The following TOP1 variants were observed in gnomAD, a reference collection of about 807,000 sequenced individuals.
TOP1 encodes the protein DNA topoisomerase I, also known as DNA topoisomerase 1.
In TOP1, 10 loss-of-function variants were observed where a neutral mutation model predicts 111.1. The observed-to-expected ratio is 0.09, with a 90% CI of 0.06 to 0.15. TOP1 has a LOEUF of 0.15. Among genes scored for constraint, TOP1 ranks in the 10% least tolerant of loss-of-function variants. The pLI is 1.00. For synonymous variants in TOP1, 271 were observed against 302.9 expected, an observed-to-expected ratio of 0.89 and a Z score of 1.10; for missense variants, 474 against 926.7, an observed-to-expected ratio of 0.51 and a Z score of 6.34.
Position 41,076,208 on chromosome 20 carries a change from G to A in TOP1, c.193G>A (p.Glu65Lys). The change falls in exon 4 of 21, where the codon GAG becomes AAG. Residue 65 changes from glutamate (E) to lysine (K), a missense_variant. Glu to Lys is a moderately conservative substitution (Grantham distance 56). Coordinates refer to ENST00000361337, the MANE Select transcript of TOP1 (RefSeq NM_003286.4). ...TTCTGAAAAGAAACACAAAGAGAAG[G>A]AGAAGACCAAACACAAAGATGGAAG... is the stretch of plus-strand genomic sequence containing the variant. ...KDSEKKHKEK[E>K]KTKHKDGSSE... 6.2e-7 allele frequency: 1 copy of A among 1,605,284 alleles called. No individual in the cohort carries two copies. The highest frequency in any genetic ancestry group is 8.5e-7 in the Non-Finnish European group (1 of 1,172,364).
chr20:41,116,391 C>A lies in TOP1; in HGVS notation c.1821C>A (p.Ala607=). Residue 607 remains alanine, a splice_region_variant and synonymous_variant, in exon 17 of 21, where the codon GCC becomes GCA. Coordinates refer to ENST00000361337, the MANE Select transcript of TOP1 (RefSeq NM_003286.4). The surrounding 1 kb of genome is among the most constrained non-coding windows in gnomAD (Gnocchi z 5.6). ...AGCAGCAGCTAAAAGAACTGACAGCCCGTAAGTATTGCTTGGCCAGATAGG... is the reference window on the plus strand; with the variant it reads ...AGCAGCAGCTAAAAGAACTGACAGCACGTAAGTATTGCTTGGCCAGATAGG... ...TLQQQLKELT[A]PDENIPAKIL... is the part of the protein sequence containing the mutation. 2 of 1,613,516 alleles carry A rather than the reference C, an allele frequency of 1.2e-6. No homozygotes were observed.
At chr20:41,036,832 CT>C (rs56013409) in intron 2 of TOP1, among the ~76,000 whole-genome samples, 7 of 128,210 alleles carry the variant, frequency 5.5e-5, no homozygotes, top group Non-Finnish European at 9.6e-5. Flanking sequence ...TCCTACTTTT[CT>C]TTTTTTTTTT....
At position 41,123,332 on chromosome 20, in the gene TOP1, C is replaced by T. The variant is rs762847157; in HGVS notation, c.*35C>T. ...AGAGGCAGAGTTCTGTGAAGAGGAA[C>T]AGTGTGGTTTGGGAAAGATGGATAA... On this transcript the variant is annotated 3_prime_UTR_variant, in exon 21 of 21. Transcript: ENST00000361337. This position sits in a 1 kb window ranked among gnomAD's most constrained non-coding sequence, Gnocchi z 5.8. The T allele has an allele frequency of 1.5e-5, 23 of 1,511,296 alleles. No individual in the cohort carries two copies. The highest frequency in any genetic ancestry group is 2.0e-5 in the Non-Finnish European group (22 of 1,087,480). 93.6% of individuals were successfully genotyped at this position (1,511,296 alleles called of 1,614,324 possible).
At chr20:41,059,896 A>G (rs1398320400) in intron 2 of TOP1, among the ~76,000 whole-genome samples, 1 of 152,358 alleles carries the variant, frequency 6.6e-6, no homozygotes, top group African/African-American at 2.4e-5. Context: ...AAGAAGGTAT[A>G]TGAGAGGCCA....
chr20:41,098,082 T>C lies in TOP1; in HGVS notation c.853-133T>C. ...TATTTTTTTGTTTTTTCAAAATTCA[T>C]TAATTGAGATTGGCTACTTCCAGAA... On this transcript the variant is annotated intron_variant, in intron 10 of 20. Transcript: ENST00000361337. This position sits in a 1 kb window ranked among gnomAD's most constrained non-coding sequence, Gnocchi z 5.7. 1.2e-6 allele frequency: 1 copy of C among 837,346 alleles called. No individual in the cohort carries two copies. Among genetic ancestry groups the C allele is most frequent in the Non-Finnish European group, 1.9e-6 (1 of 522,142 alleles). The allele number at this position is 837,346 out of a possible 1,614,324, so 51.9% of individuals were successfully genotyped here. A position where few individuals can be genotyped will look rare whatever the true frequency, so the allele number is the denominator to read the frequency against.
intron 2 of TOP1, among the ~76,000 whole-genome samples, chr20:41,047,761 C>T (rs1465518353): frequency 6.6e-6 from 1 of 152,094 alleles, no homozygotes; most frequent in Non-Finnish European, 1.5e-5. Flanking sequence ...GTTTGCTGAC[C>T]TGATTGAATG....
chr20:41,101,193 G>C lies in TOP1; in HGVS notation c.1164-16G>C, dbSNP rs2145952972. 1.2e-6 allele frequency: 2 copies of C among 1,613,548 alleles called. No individual in the cohort carries two copies. The highest frequency in any genetic ancestry group is 1.7e-6 in the Non-Finnish European group (2 of 1,179,520). On this transcript the variant is annotated splice_polypyrimidine_tract_variant and intron_variant, in intron 12 of 20. Coordinates refer to ENST00000361337, the MANE Select transcript of TOP1 (RefSeq NM_003286.4). The surrounding 1 kb of genome is among the most constrained non-coding windows in gnomAD (Gnocchi z 4.1). Reference sequence around the variant, plus strand: ...TCACATCTTATTTCACTATCCTCGTGCTCTGTTATTTCCAGAGATGCCAAG... The same window carrying C: ...TCACATCTTATTTCACTATCCTCGTCCTCTGTTATTTCCAGAGATGCCAAG...
rs2034040693 is a variant in TOP1 at position 41,100,250 on chromosome 20, T to G, written c.1163+7T>G. On this transcript the variant is annotated splice_region_variant and intron_variant, in intron 12 of 20. Coordinates refer to ENST00000361337, the MANE Select transcript of TOP1 (RefSeq NM_003286.4). This position sits in a 1 kb window ranked among gnomAD's most constrained non-coding sequence, Gnocchi z 4.4. ...TAATCATCAACTGTAGCAAGTGAGC[T>G]CGCACTTCATCCTATGGGCCAAAAA... 4 of 1,608,260 alleles carry G rather than the reference T, an allele frequency of 2.5e-6. No individual in the cohort carries two copies. The highest frequency in any genetic ancestry group is 3.4e-6 in the Non-Finnish European group (4 of 1,176,730).
intron 2 of TOP1, among the ~76,000 whole-genome samples, chr20:41,038,316 T>C (rs1392002172): frequency 6.6e-6 from 1 of 152,140 alleles, no homozygotes; most frequent in Non-Finnish European, 1.5e-5. Context: ...AATACTTACC[T>C]TACAACATTG....
Position 41,121,441 on chromosome 20 carries a change from G to A in TOP1, c.1951-255G>A, listed in dbSNP as rs1369152635. Among the ~76,000 whole-genome samples the A allele has an allele frequency of 6.6e-6, 1 of 152,218 alleles. No individual in the cohort carries two copies. The highest frequency in any genetic ancestry group is 1.5e-5 in the Non-Finnish European group (1 of 68,044). On this transcript the variant is annotated intron_variant, in intron 18 of 20. Coordinates refer to ENST00000361337, the MANE Select transcript of TOP1 (RefSeq NM_003286.4). The surrounding 1 kb of genome is among the most constrained non-coding windows in gnomAD (Gnocchi z 4.2). ...AGCACCCAGATTCCCAGCCCCAGCG[G>A]GTTCCTTTCCCTGAGCCCCTAGGTT...
At chr20:41,037,904 A>G (rs1432071890) in intron 2 of TOP1, among the ~76,000 whole-genome samples, 1 of 152,244 alleles carries the variant, frequency 6.6e-6, no homozygotes, top group Non-Finnish European at 1.5e-5. Context: ...GCAGGAGGAC[A>G]TAATTTTGTT....
In TOP1 at chr20:41,082,223, A is replaced by C. The variant is rs924144262; in HGVS notation, c.507+983A>C. Among the ~76,000 whole-genome samples the C allele has an allele frequency of 5.3e-5, 8 of 152,224 alleles. No individual in the cohort carries two copies. Among genetic ancestry groups the C allele is most frequent in the African/African-American group, 1.9e-4 (8 of 41,462 alleles). ...CCAGCAGTAAAGAGAATGATAGTGA[A>C]GGGGCAGGGAGTCTTAAGAGGATAA... is the stretch of plus-strand genomic sequence containing the variant. On this transcript the variant is annotated intron_variant, in intron 7 of 20. Coordinates refer to ENST00000361337, the MANE Select transcript of TOP1 (RefSeq NM_003286.4). The surrounding 1 kb of genome is among the most constrained non-coding windows in gnomAD (Gnocchi z 4.1).
rs2033072860 is a variant in TOP1 at position 41,028,834 on chromosome 20, T to TAGC, written c.-232_-231insCAG. ...GGCGCAGTGAGCCCAAATGCGAACTTAGGCTGTTACACAACTGCTGGGGTC... is the reference window on the plus strand; with the variant it reads ...GGCGCAGTGAGCCCAAATGCGAACTTAGCAGGCTGTTACACAACTGCTGGGGTC... On this transcript the variant is annotated 5_prime_UTR_variant, in exon 1 of 21. Coordinates refer to ENST00000361337, the MANE Select transcript of TOP1 (RefSeq NM_003286.4). The TAGC allele has an allele frequency of 1.9e-6, 1 of 523,540 alleles. No homozygotes were observed. The highest frequency in any genetic ancestry group is 2.0e-5 in the African/African-American group (1 of 49,168). The allele number at this position is 523,540 out of a possible 1,614,324, so 32.4% of individuals were successfully genotyped here.
In TOP1 at chr20:41,116,403, C is replaced by T; in HGVS notation, c.1822+11C>T. ...AAGAACTGACAGCCCGTAAGTATTG[C>T]TTGGCCAGATAGGGCCCACACCCCT... On this transcript the variant is annotated intron_variant, in intron 17 of 20. Transcript: ENST00000361337. This position sits in a 1 kb window ranked among gnomAD's most constrained non-coding sequence, Gnocchi z 5.6. 2 of 1,608,858 alleles carry T rather than the reference C, an allele frequency of 1.2e-6. No individual in the cohort carries two copies. Among genetic ancestry groups the T allele is most frequent in the Non-Finnish European group, 1.7e-6 (2 of 1,175,230 alleles).
rs369208633 is a variant in TOP1 at position 41,098,301 on chromosome 20, G to A, written c.939G>A (p.Thr313=). 23 of 1,613,784 alleles carry A rather than the reference G, an allele frequency of 1.4e-5. No homozygotes were observed. Among genetic ancestry groups the A allele is most frequent in the African/African-American group, 8.0e-5 (6 of 74,880 alleles). ...TGAGCCAGTATTTCAAAGCCCAGACGGAAGCTCGGAAACAGATGAGCAAGG... is the reference window on the plus strand; with the variant it reads ...TGAGCCAGTATTTCAAAGCCCAGACAGAAGCTCGGAAACAGATGAGCAAGG... ...TQMSQYFKAQ[T]EARKQMSKEE... The change falls in exon 11 of 21, where the codon ACG becomes ACA. Residue 313 remains threonine (T), a synonymous_variant. Transcript: ENST00000361337. This position sits in a 1 kb window ranked among gnomAD's most constrained non-coding sequence, Gnocchi z 5.7.
In TOP1 at chr20:41,122,298, A is replaced by C. The variant is rs2034435783; in HGVS notation, c.2195+143A>C. 1.2e-6 allele frequency: 1 copy of C among 842,488 alleles called. No individual in the cohort carries two copies. The highest frequency in any genetic ancestry group is 1.9e-6 in the Non-Finnish European group (1 of 529,814). 52.2% of individuals were successfully genotyped at this position (842,488 alleles called of 1,614,324 possible). A position where few individuals can be genotyped will look rare whatever the true frequency, so the allele number is the denominator to read the frequency against. On this transcript the variant is annotated intron_variant, in intron 20 of 20. Transcript: ENST00000361337. This position sits in a 1 kb window ranked among gnomAD's most constrained non-coding sequence, Gnocchi z 5.4. ...GAAACTTCTGGCTTCAGCTGTGTACAAGTTACTCTGGTTGCTGAACCTTGT... is the reference window on the plus strand; with the variant it reads ...GAAACTTCTGGCTTCAGCTGTGTACCAGTTACTCTGGTTGCTGAACCTTGT...
intron 3 of TOP1, among the ~76,000 whole-genome samples, chr20:41,064,879 G>T (rs2033588432): frequency 6.6e-6 from 1 of 151,840 alleles, no homozygotes; most frequent in East Asian, 1.9e-4. Flanking sequence ...TTTCTGGGGT[G>T]GGGCGGGGGG....
At chr20:41,088,978 CTG>C (rs1214646824) in intron 8 of TOP1, among the ~76,000 whole-genome samples, 2 of 144,004 alleles carry the variant, frequency 1.4e-5, no homozygotes, top group Non-Finnish European at 3.0e-5. Context: ...AACTGAAACT[CTG>C]TAGTTATTAA....
intron 17 of TOP1, among the ~76,000 whole-genome samples, chr20:41,117,334 C>G (rs927858056): frequency 6.7e-6 from 1 of 148,766 alleles, no homozygotes; most frequent in African/African-American, 2.5e-5. Context: ...GACGCTATCT[C>G]TAAAATAATA....
Sources: allele counts gnomAD v4.1 joint callset (sites outside exome capture counted in the v4.1 genomes callset), GRCh38; gene constraint gnomAD v4.1.1; non-coding constraint Gnocchi (gnomAD v3.1); transcripts MANE v1.5; gene names NCBI Gene and HGNC (gene_info 2026-07-23, HGNC 2026-07-21).